Variants in PHF20L1 observed in about 807,000 individuals in gnomAD.
PHF20L1 encodes PHD finger protein 20 like 1, also known as PHD finger protein 20-like protein 1.
Under a neutral mutation model 125.5 loss-of-function variants are expected in PHF20L1, and 44 were observed. That is an observed-to-expected ratio of 0.35 (90% CI 0.28 to 0.45). The LOEUF is 0.45. PHF20L1 is among the 20% of genes least tolerant of loss of function. The probability of loss-of-function intolerance (pLI) is 1.00; values close to 1 mark genes in which losing one functional copy is unlikely to be tolerated. For synonymous variants in PHF20L1, 380 were observed against 403.1 expected, an observed-to-expected ratio of 0.94 and a Z score of 0.69; for missense variants, 1,012 against 1,217.2, an observed-to-expected ratio of 0.83 and a Z score of 2.51.
rs912694260 is a variant in PHF20L1 at position 132,847,246 on chromosome 8, A to C, written c.*1323A>C. The C allele has an allele frequency of 3.3e-5, 5 of 152,734 alleles. No homozygotes were observed. The highest frequency in any genetic ancestry group is 3.4e-3 in the Middle Eastern group (1 of 294). 9.5% of individuals were successfully genotyped at this position (152,734 alleles called of 1,614,324 possible). A position where few individuals can be genotyped will look rare whatever the true frequency, so the allele number is the denominator to read the frequency against. ...ATCTAGTTTTATTACTATAGACTAT[A>C]CGAATTGGTGGTTAACATGAAATGT... is the stretch of plus-strand genomic sequence containing the variant. On this transcript the variant is annotated 3_prime_UTR_variant, in exon 21 of 21. Transcript: ENST00000395386.
At chr8:132,815,887 A>G (rs1295638302) in intron 10 of PHF20L1, 1 of 151,928 alleles carries the variant, frequency 6.6e-6, no homozygotes, top group Admixed American at 6.6e-5. Flanking sequence ...TGTCAGTAGT[A>G]GTCACTGGAA....
In PHF20L1 at chr8:132,804,632, G is replaced by A. The variant is rs761747240; in HGVS notation, c.739G>A (p.Val247Ile). Residue 247 changes from valine (V) to isoleucine (I), a missense_variant, in exon 8 of 21, where the codon GTT becomes ATT. Physicochemically the swap from Val to Ile is conservative, Grantham distance 29. Transcript: ENST00000395386. ...SETFGLHVEN[V>I]PKMVFPQPES... Reference sequence around the variant, plus strand: ...GAAAGTAGGACTTCATGTAGAGAACGTTCCAAAGATGGTCTTTCCACAGCC... The same window carrying A: ...GAAAGTAGGACTTCATGTAGAGAACATTCCAAAGATGGTCTTTCCACAGCC... The A allele has an allele frequency of 5.0e-6, 8 of 1,606,734 alleles. 1 individual carries two copies. The highest frequency in any genetic ancestry group is 3.3e-5 in the South Asian group (3 of 90,852).
chr8:132,788,276 T>G (rs1406582535), intron 2 of PHF20L1, among the ~76,000 whole-genome samples: 1 of 152,138 alleles, frequency 6.6e-6, no homozygotes, highest in African/African-American at 2.4e-5. Flanking sequence ...GACTGTCAAT[T>G]TCTAAATTTA....
intron 2 of PHF20L1, among the ~76,000 whole-genome samples, chr8:132,790,875 G>A (rs1031136518): frequency 6.6e-6 from 1 of 152,006 alleles, no homozygotes; most frequent in Middle Eastern, 3.4e-3. Context: ...ATTTTCTATG[G>A]ACTATTAAAG....
At chr8:132,818,487 A>G (rs1363078230) in intron 12 of PHF20L1, 1 of 151,920 alleles carries the variant, frequency 6.6e-6, no homozygotes, top group South Asian at 2.1e-4. Context: ...ATGTATTGAA[A>G]TAAAATGATT....
intron 2 of PHF20L1, among the ~76,000 whole-genome samples, chr8:132,791,495 C>T (rs1831696083): frequency 6.6e-6 from 1 of 152,050 alleles, no homozygotes; most frequent in African/African-American, 2.4e-5. Flanking sequence ...TCAGGTGATC[C>T]ACCCACCTCG....
chr8:132,844,086 G>A (rs952591872), intron 19 of PHF20L1, 70 bp from the exon 20 acceptor site: 1 of 1,584,918 alleles, frequency 6.3e-7, no homozygotes, highest in Non-Finnish European at 8.6e-7. Flanking sequence ...GGTGTTTCCT[G>A]TATCCTTAAC....
intron 2 of PHF20L1, among the ~76,000 whole-genome samples, chr8:132,788,634 G>A (rs564991584): frequency 1.3e-5 from 2 of 151,784 alleles, no homozygotes; most frequent in African/African-American, 4.8e-5. Context: ...AGAAATCTGG[G>A]TATATATTTT....
chr8:132,817,839 A>G (rs1393194158), intron 12 of PHF20L1: 1 of 241,290 alleles, frequency 4.1e-6, no homozygotes, highest in East Asian at 9.4e-5. Context: ...AAATTATTAG[A>G]GCCAAGTATA....
At chr8:132,813,817 T>C (rs565729466) in intron 9 of PHF20L1, among the ~76,000 whole-genome samples, 2 of 152,030 alleles carry the variant, frequency 1.3e-5, no homozygotes, top group Admixed American at 6.6e-5. Context: ...TAGGAAATTT[T>C]ACAGCCAAAT....
chr8:132,799,029 T>TA, intron 5 of PHF20L1, 66 bp from the exon 6 acceptor site: 1 of 1,381,898 alleles, frequency 7.2e-7, no homozygotes, highest in Non-Finnish European at 1.0e-6. Flanking sequence ...AAATAAATTA[T>TA]ACATTTGATT....
At chr8:132,798,336 C>G (rs1462800837) in intron 4 of PHF20L1, among the ~76,000 whole-genome samples, 1 of 151,980 alleles carries the variant, frequency 6.6e-6, no homozygotes, top group Non-Finnish European at 1.5e-5. Context: ...ATAATCCTTT[C>G]CAGGGCAAAT....
chr8:132,785,607 A>T (rs1028541071), intron 2 of PHF20L1, among the ~76,000 whole-genome samples: 32 of 152,134 alleles, frequency 2.1e-4, no homozygotes, highest in Non-Finnish European at 1.5e-5. Context: ...AGAAGTGTTG[A>T]CCACTCCCTA....
In PHF20L1 at chr8:132,775,433, C is replaced by T. The variant is rs1374345415; in HGVS notation, c.-250C>T. On this transcript the variant is annotated 5_prime_UTR_variant, in exon 1 of 21. Transcript: ENST00000395386. ...GCGGCGGCGGCGGCGGCGATGGCAG[C>T]GGACCCTGAGCGAGCTTGAGGGCTC... The T allele has an allele frequency of 1.0e-5, 4 of 385,978 alleles. No homozygotes were observed. Among genetic ancestry groups the T allele is most frequent in the Non-Finnish European group, 1.8e-5 (4 of 220,324 alleles). 23.9% of individuals were successfully genotyped at this position (385,978 alleles called of 1,614,324 possible). A position where few individuals can be genotyped will look rare whatever the true frequency, so the allele number is the denominator to read the frequency against.
intron 15 of PHF20L1, among the ~76,000 whole-genome samples, chr8:132,832,886 A>T (rs994092104): frequency 1.8e-4 from 28 of 152,136 alleles, no homozygotes; most frequent in African/African-American, 6.0e-4. Context: ...AAGTCCTGAG[A>T]TGTAGTCAGA....
chr8:132,803,858 G>A lies in PHF20L1; in HGVS notation c.547G>A (p.Ala183Thr), dbSNP rs1293188437. ...AGTCAAAGCAGCTGCTGCAGCTGCA[G>A]CCAAGAACAAAACAGGGAGTAAACC... ...ALVKAAAAAA[A>T]KNKTGSKPRT... is the part of the protein sequence containing the mutation. Residue 183 changes from alanine (A) to threonine (T), a missense_variant, in exon 7 of 21, where the codon GCC (alanine) becomes ACC (threonine). Physicochemically the swap from Ala to Thr is moderately conservative, Grantham distance 58 (BLOSUM62 0). Around this residue, in one of 7 missense-constraint regions of PHF20L1, gnomAD observed 134 missense variants for 145.9 expected, o/e 0.92. Coordinates refer to ENST00000395386, the MANE Select transcript of PHF20L1 (RefSeq NM_016018.5). 7 of 1,609,528 alleles carry A rather than the reference G, an allele frequency of 4.3e-6. No individual in the cohort carries two copies. Among genetic ancestry groups the A allele is most frequent in the Middle Eastern group, 1.7e-4 (1 of 6,056 alleles).
chr8:132,815,726 A>G (rs1187491023), intron 10 of PHF20L1: 4 of 151,638 alleles, frequency 2.6e-5, no homozygotes, highest in Non-Finnish European at 5.9e-5. Context: ...TTATTAACCT[A>G]TTTTCCTTCA....
At chr8:132,787,985 A>C (rs1460046464) in intron 2 of PHF20L1, among the ~76,000 whole-genome samples, 1 of 152,012 alleles carries the variant, frequency 6.6e-6, no homozygotes, top group East Asian at 1.9e-4. Flanking sequence ...TGACTACCAT[A>C]GTTATAGATG....
rs1387587346 is a variant in PHF20L1, at chr8:132,847,109, A to G, written c.*1186A>G. On this transcript the variant is annotated 3_prime_UTR_variant, in exon 21 of 21. Coordinates refer to ENST00000395386, the MANE Select transcript of PHF20L1 (RefSeq NM_016018.5). ...CCTACTGTCTGCCAGTACTCATGTG[A>G]GTTGTATGTGCCCCCAGTGCTACAT... 1 of 152,574 alleles carries G rather than the reference A, an allele frequency of 6.6e-6. No individual in the cohort carries two copies. Among genetic ancestry groups the G allele is most frequent in the Non-Finnish European group, 1.5e-5 (1 of 68,016 alleles). The allele number at this position is 152,574 out of a possible 1,614,324, so 9.5% of individuals were successfully genotyped here. A position where few individuals can be genotyped will look rare whatever the true frequency, so the allele number is the denominator to read the frequency against.
Sources: allele counts gnomAD v4.1 joint callset (sites outside exome capture counted in the v4.1 genomes callset), GRCh38; gene constraint gnomAD v4.1.1; regional missense constraint gnomAD v4.1.1; transcripts MANE v1.5; gene names NCBI Gene and HGNC (gene_info 2026-07-23, HGNC 2026-07-21).